CSRP3: variants seen among roughly 807,000 people sequenced by gnomAD.
The protein encoded by CSRP3 is cysteine and glycine rich protein 3, also known as cysteine and glycine-rich protein 3.
Under a neutral mutation model 24.3 loss-of-function variants are expected in CSRP3, and 24 were observed. The observed-to-expected ratio is 0.99, with a 90% CI of 0.71 to 1.39. The LOEUF (loss-of-function observed/expected upper bound fraction) is 1.39, where lower values mean the gene tolerates loss of function less well. CSRP3 is among the 40% of genes most tolerant of loss of function. The pLI, the probability that CSRP3 is intolerant of heterozygous loss-of-function variation, is 0.00. For missense variants in CSRP3, 240 were observed against 249.0 expected (o/e 0.96, Z 0.24); for synonymous variants, 105 against 94.0 (o/e 1.12, Z -0.68).
chr11:19,182,623 G>A lies in CSRP3; in HGVS notation c.*47C>T. ...GGTATCGATCTGTGCAGGATTACTT[G>A]GCAAGTGTTTTAGGCTCGCAAAAAA... On this transcript the variant is annotated 3_prime_UTR_variant, in exon 6 of 6. Coordinates refer to ENST00000265968, the MANE Select transcript of CSRP3 (RefSeq NM_003476.5). The A allele has an allele frequency of 6.9e-7, 1 of 1,439,572 alleles. No homozygotes were observed. Among genetic ancestry groups the A allele is most frequent in the East Asian group, 2.3e-5 (1 of 44,064 alleles). 89.2% of individuals were successfully genotyped at this position (1,439,572 alleles called of 1,614,324 possible). A position where few individuals can be genotyped will look rare whatever the true frequency, so the allele number is the denominator to read the frequency against.
chr11:19,188,665 C>T (rs1234949469), intron 2 of CSRP3, among the ~76,000 whole-genome samples: 4 of 146,956 alleles, frequency 2.7e-5, no homozygotes, highest in Non-Finnish European at 6.0e-5. Flanking sequence ...TGGGCGCGCG[C>T]GTTGGCAGGG....
intron 4 of CSRP3, among the ~76,000 whole-genome samples, chr11:19,185,596 G>A (rs1850512422): frequency 6.6e-6 from 1 of 152,110 alleles, no homozygotes; most frequent in African/African-American, 2.4e-5. Context: ...CCAGTTTTAG[G>A]GTGGAGCCTG....
intron 1 of CSRP3, among the ~76,000 whole-genome samples, 200 bp from the exon 2 acceptor site, chr11:19,192,676 A>G (rs1285469219): frequency 2.0e-5 from 3 of 152,146 alleles, no homozygotes; most frequent in African/African-American, 7.2e-5. Context: ...TAATCACTTT[A>G]CCACTTGGGA....
At chr11:19,183,072 T>C (rs1398191704) in intron 5 of CSRP3, among the ~76,000 whole-genome samples, 1 of 152,074 alleles carries the variant, frequency 6.6e-6, no homozygotes, top group Non-Finnish European at 1.5e-5. Flanking sequence ...GCAGGAGAAT[T>C]GCTTGAGCCC....
intron 1 of CSRP3, among the ~76,000 whole-genome samples, chr11:19,195,538 G>A (rs1230942731): frequency 3.9e-5 from 6 of 152,142 alleles, no homozygotes; most frequent in East Asian, 3.9e-4. Context: ...ACATGGCAGC[G>A]ACACTTGTAA....
intron 3 of CSRP3, 75 bp from the exon 4 acceptor site, chr11:19,186,423 A>G: frequency 6.4e-7 from 1 of 1,573,720 alleles, no homozygotes; most frequent in Non-Finnish European, 8.7e-7. Context: ...GGCCTTGAGA[A>G]AGTGACCTCA....
In CSRP3 at chr11:19,184,997, C is replaced by A. The variant is rs1373744784; in HGVS notation, c.463G>T (p.Glu155Ter). The change falls in exon 5 of 6, where the codon GAG becomes TAG. Residue 155 changes from glutamate (E) to a stop codon, truncating the protein, a stop_gained. Transcript: ENST00000265968. LOFTEE classifies it high-confidence loss of function. ...TCTTTGTCAGTGACATTTGTGGACT[C>A]CAGACTCTTCCCACAGATGGCACAG... ...FRCAICGKSL[E>*]STNVTDKDGE... The A allele has an allele frequency of 3.1e-6, 5 of 1,614,178 alleles. No homozygotes were observed. The highest frequency in any genetic ancestry group is 2.2e-5 in the South Asian group (2 of 91,090).
At chr11:19,183,859 G>A (rs1352771665) in intron 5 of CSRP3, among the ~76,000 whole-genome samples, 1 of 152,146 alleles carries the variant, frequency 6.6e-6, no homozygotes, top group African/African-American at 2.4e-5. Context: ...GAGGGACCCA[G>A]CGGGAGATAA....
At chr11:19,190,353 T>A (rs1355476294) in intron 2 of CSRP3, among the ~76,000 whole-genome samples, 1 of 152,232 alleles carries the variant, frequency 6.6e-6, no homozygotes, top group Non-Finnish European at 1.5e-5. Flanking sequence ...TGCTGTGCTG[T>A]AAGCACAAAA....
intron 3 of CSRP3, among the ~76,000 whole-genome samples, chr11:19,187,522 G>T (rs1009720546): frequency 1.3e-5 from 2 of 152,228 alleles, no homozygotes; most frequent in East Asian, 3.8e-4. Context: ...CAAGAAAGTG[G>T]ACCCAGGGGA....
Position 19,188,301 on chromosome 11 carries a change from G to A in CSRP3, c.116C>T (p.Ala39Val), listed in dbSNP as rs748417030. The A allele has an allele frequency of 6.2e-7, 1 of 1,612,246 alleles. No homozygotes were observed. The highest frequency in any genetic ancestry group is 1.1e-5 in the South Asian group (1 of 91,006). The change falls in exon 3 of 6, where the codon GCC becomes GTC. Residue 39 changes from alanine to valine, a missense_variant. Physicochemically the swap from Ala to Val is moderately conservative, Grantham distance 64. Transcript: ENST00000265968. Reference protein sequence around the residue: ...SFHKTCFHCMACRKALDSTTV... With the variant: ...SFHKTCFHCMVCRKALDSTTV... ...CGTGCTGTCAAGAGCCTTCCTGCAG[G>A]CCACTGCCAGGAAAAGGAAGGGTCA...
intron 2 of CSRP3, among the ~76,000 whole-genome samples, chr11:19,190,543 G>C (rs1318662941): frequency 6.6e-6 from 1 of 152,174 alleles, no homozygotes; most frequent in Non-Finnish European, 1.5e-5. Flanking sequence ...ATGGTTACTA[G>C]AACATTTAAA....
At chr11:19,194,092 C>T (rs1033356355) in intron 1 of CSRP3, among the ~76,000 whole-genome samples, 5 of 152,146 alleles carry the variant, frequency 3.3e-5, no homozygotes, top group African/African-American at 1.2e-4. Flanking sequence ...AGCCAGTCAC[C>T]TTCTTATAAT....
chr11:19,201,427 A>G (rs773180269), intron 1 of CSRP3, among the ~76,000 whole-genome samples: 1 of 152,230 alleles, frequency 6.6e-6, no homozygotes, highest in African/African-American at 2.4e-5. Context: ...GCTGTCTTAT[A>G]TATTGCATCT....
intron 1 of CSRP3, among the ~76,000 whole-genome samples, chr11:19,201,117 A>G: frequency 6.6e-6 from 1 of 151,940 alleles, no homozygotes; most frequent in Non-Finnish European, 1.5e-5. Context: ...TCTCAATCAC[A>G]CCTATGTCTG....
chr11:19,196,193 G>A (rs1431955676), intron 1 of CSRP3, among the ~76,000 whole-genome samples: 1 of 152,208 alleles, frequency 6.6e-6, no homozygotes, highest in East Asian at 1.9e-4. Flanking sequence ...AACCCAGGAG[G>A]TGGAAGTTGC....
At chr11:19,189,446 T>C (rs1850582264) in intron 2 of CSRP3, among the ~76,000 whole-genome samples, 1 of 152,218 alleles carries the variant, frequency 6.6e-6, no homozygotes, top group South Asian at 2.1e-4. Flanking sequence ...TCAGTGCTTA[T>C]AATAGGGAGA....
rs578036717 is a variant in CSRP3 at position 19,190,325 on chromosome 11, G to T, written c.112+2012C>A. Among the ~76,000 whole-genome samples, 9 of 152,332 alleles carry T rather than the reference G, an allele frequency of 5.9e-5. 1 individual carries two copies. Among genetic ancestry groups the T allele is most frequent in the Admixed American group, 2.6e-4 (4 of 15,300 alleles). On this transcript the variant is annotated intron_variant, in intron 2 of 5. Coordinates refer to ENST00000265968, the MANE Select transcript of CSRP3 (RefSeq NM_003476.5). ...ACAAAGGAGAACTGTGCTGTCCAGTGCTGTGGCCACAGCCACATGCTGTGC... is the reference window on the plus strand; with the variant it reads ...ACAAAGGAGAACTGTGCTGTCCAGTTCTGTGGCCACAGCCACATGCTGTGC...
At chr11:19,199,388 A>T (rs1157768712) in intron 1 of CSRP3, among the ~76,000 whole-genome samples, 1 of 151,408 alleles carries the variant, frequency 6.6e-6, no homozygotes, top group African/African-American at 2.4e-5. Context: ...CCCCTTTTAA[A>T]CTCAGACATG....
Sources: allele counts gnomAD v4.1 joint callset (sites outside exome capture counted in the v4.1 genomes callset), GRCh38; gene constraint gnomAD v4.1.1; transcripts MANE v1.5; gene names NCBI Gene and HGNC (gene_info 2026-07-23, HGNC 2026-07-21).